The following ANXA8 variants were observed in gnomAD, a reference collection of about 807,000 sequenced individuals.
ANXA8 encodes the protein VAC-beta.
A neutral mutation model predicts 26.8 loss-of-function variants in ANXA8; 9 were observed. That is an observed-to-expected ratio of 0.34 (90% CI 0.20 to 0.59). ANXA8 has a LOEUF of 0.59. Among genes scored for constraint, ANXA8 ranks in the 20% least tolerant of loss-of-function variants. ANXA8 has a pLI of 0.84. For synonymous variants in ANXA8, 39 were observed against 94.8 expected, an observed-to-expected ratio of 0.41 and a Z score of 3.42; for missense variants, 83 against 238.5, an observed-to-expected ratio of 0.35 and a Z score of 4.29.
the ANXA8 span, among the ~76,000 whole-genome samples, chr10:47,626,784 A>T: frequency 6.6e-6 from 1 of 150,424 alleles, no homozygotes; most frequent in Non-Finnish European, 1.5e-5. Context: ...AGGAGCTGTG[A>T]CATGCGCAAA....
the ANXA8 span, among the ~76,000 whole-genome samples, chr10:47,700,187 G>C: frequency 6.6e-6 from 1 of 151,962 alleles, no homozygotes; most frequent in Admixed American, 6.5e-5. Context: ...TGCAAGAATA[G>C]CTAGGAAAAG....
chr10:47,561,204 T>C, the ANXA8 span, among the ~76,000 whole-genome samples: 2 of 152,046 alleles, frequency 1.3e-5, no homozygotes, highest in African/African-American at 2.4e-5. Context: ...CTGGAAACAA[T>C]TGCAAATAAT....
At chr10:47,620,611 G>T in the ANXA8 span, among the ~76,000 whole-genome samples, 2 of 103,780 alleles carry the variant, frequency 1.9e-5, no homozygotes. Context: ...AGTTCTGGAC[G>T]CTTAAAAAAT....
At chr10:47,945,227 A>G in the ANXA8 span, among the ~76,000 whole-genome samples, 1 of 149,760 alleles carries the variant, frequency 6.7e-6, no homozygotes, top group African/African-American at 2.5e-5. Context: ...CCTCAGGGGC[A>G]TCTGCTTCCT....
At chr10:47,689,364 G>A in the ANXA8 span, among the ~76,000 whole-genome samples, 7 of 151,864 alleles carry the variant, frequency 4.6e-5, no homozygotes, top group South Asian at 1.5e-3. Flanking sequence ...TTTTAGTATA[G>A]ACGGCGTTTC....
At chr10:47,706,053 C>A in the ANXA8 span, 1 of 1,066,738 alleles carries the variant, frequency 9.4e-7, no homozygotes, top group Non-Finnish European at 1.3e-6. Context: ...GTTGGGAGCG[C>A]GCGAGCTAGC....
At position 47,475,009 on chromosome 10, in the gene ANXA8, G is replaced by A. The variant is rs1393606720; in HGVS notation, c.493-5C>T. 71 of 1,533,474 alleles carry A rather than the reference G, an allele frequency of 4.6e-5. 11 individuals are homozygous for A. The South Asian group carries it at 6.9e-4, about 15-fold the overall frequency. 95.0% of individuals were successfully genotyped at this position (1,533,474 alleles called of 1,614,324 possible). Reference sequence around the variant, plus strand: ...GCTCACATCATCCCTGCTGCCCTAGGAACAGAGGAGGTGGCTCTGTAAGGC... The same window carrying A: ...GCTCACATCATCCCTGCTGCCCTAGAAACAGAGGAGGTGGCTCTGTAAGGC... On this transcript the variant is annotated splice_polypyrimidine_tract_variant and splice_region_variant and intron_variant, in intron 6 of 11. Transcript: ENST00000585281.
At chr10:47,655,837 A>G in the ANXA8 span, among the ~76,000 whole-genome samples, 3 of 151,778 alleles carry the variant, frequency 2.0e-5, no homozygotes, top group East Asian at 1.9e-4. Context: ...CCTGACCAAC[A>G]TTGAGAAACT....
the ANXA8 span, among the ~76,000 whole-genome samples, chr10:47,587,773 G>T: frequency 6.8e-6 from 1 of 146,586 alleles, no homozygotes; most frequent in Admixed American, 6.6e-5. Flanking sequence ...CAGTGTCAGT[G>T]TGCTGGGAAG....
the ANXA8 span, among the ~76,000 whole-genome samples, chr10:47,695,775 G>A: frequency 4.0e-5 from 6 of 151,712 alleles, no homozygotes; most frequent in South Asian, 2.1e-4. Context: ...CAGCTCACAC[G>A]TTTTGCTCTA....
chr10:47,581,974 G>A, the ANXA8 span, among the ~76,000 whole-genome samples: 1 of 150,056 alleles, frequency 6.7e-6, no homozygotes. Flanking sequence ...AGATGTAAGA[G>A]TAACCATGGC....
At chr10:47,679,762 A>G in the ANXA8 span, among the ~76,000 whole-genome samples, 1 of 151,720 alleles carries the variant, frequency 6.6e-6, no homozygotes, top group Non-Finnish European at 1.5e-5. Context: ...CTCAAAAAAA[A>G]GTTTAAAAAG....
chr10:47,941,546 C>T, the ANXA8 span, among the ~76,000 whole-genome samples: 2,803 of 146,572 alleles, frequency 0.019, 437 homozygotes, highest in African/African-American at 0.071. Flanking sequence ...TCCCAGCACT[C>T]GGGAGGCTGA....
At chr10:47,975,717 C>T in the ANXA8 span, among the ~76,000 whole-genome samples, 2 of 150,912 alleles carry the variant, frequency 1.3e-5, no homozygotes, top group Non-Finnish European at 3.0e-5. Context: ...TTGTAGTAAT[C>T]ATTATTACTA....
At chr10:47,669,934 T>C in the ANXA8 span, among the ~76,000 whole-genome samples, 1 of 151,938 alleles carries the variant, frequency 6.6e-6, no homozygotes, top group African/African-American at 2.4e-5. Context: ...CACAATGTTT[T>C]ACAGCCATCA....
chr10:47,561,544 ACTGAGTC>A, the ANXA8 span, among the ~76,000 whole-genome samples: 55 of 151,988 alleles, frequency 3.6e-4, 1 homozygote, highest in African/African-American at 1.2e-3. Flanking sequence ...AATGTTGTAT[ACTGAGTC>A]CTTTCATGAT....
chr10:47,751,274 G>GTT, the ANXA8 span: 3 of 131,376 alleles, frequency 2.3e-5, no homozygotes, highest in African/African-American at 8.5e-5. Flanking sequence ...AGCTCTAGTA[G>GTT]TTTTTTTGTG....
the ANXA8 span, among the ~76,000 whole-genome samples, chr10:47,674,185 G>A: frequency 6.7e-6 from 1 of 150,226 alleles, no homozygotes. Context: ...AGGCTGGAGT[G>A]CAGTGGTATG....
chr10:47,577,196 G>A, the ANXA8 span, among the ~76,000 whole-genome samples: 55 of 145,802 alleles, frequency 3.8e-4, no homozygotes, highest in Admixed American at 3.6e-3. Context: ...TTGCACTCCA[G>A]CCTGGGCGAC....
Sources: allele counts gnomAD v4.1 joint callset (sites outside exome capture counted in the v4.1 genomes callset), GRCh38; gene constraint gnomAD v4.1.1; transcripts MANE v1.5; gene names NCBI Gene and HGNC (gene_info 2026-07-23, HGNC 2026-07-21).